Variants in CUEDC1 observed in about 807,000 individuals in gnomAD.
CUEDC1 encodes the protein CUE domain containing 1, also known as CUE domain-containing protein 1.
Under a neutral mutation model 43.7 loss-of-function variants are expected in CUEDC1, and 30 were observed. The ratio of observed to expected loss-of-function variants is 0.69; its 90% CI spans 0.51 to 0.93. The LOEUF is 0.93. CUEDC1 is among the 40% of genes least tolerant of loss of function. The pLI, the probability that CUEDC1 is intolerant of heterozygous loss-of-function variation, is 0.00. For synonymous variants in CUEDC1, 223 were observed against 223.6 expected, an observed-to-expected ratio of 1.00 and a Z score of 0.02; for missense variants, 486 against 549.0, an observed-to-expected ratio of 0.89 and a Z score of 1.15.
At chr17:57,950,573 A>C (rs1197593463) in intron 1 of CUEDC1, among the ~76,000 whole-genome samples, 1 of 151,652 alleles carries the variant, frequency 6.6e-6, no homozygotes, top group Admixed American at 6.6e-5. Context: ...CCTGGGTTCA[A>C]GCTATTCTCC....
In CUEDC1 at chr17:57,866,461, C is replaced by T; in HGVS notation, c.*3+13G>A. The T allele has an allele frequency of 6.2e-7, 1 of 1,613,684 alleles. No individual in the cohort carries two copies. Among genetic ancestry groups the T allele is most frequent in the African/African-American group, 1.3e-5 (1 of 75,044 alleles). The stretch of plus-strand genomic sequence containing the variant: ...TTGGGCAGTCCCTGGGTTGCTATGG[C>T]TCCAGGCCTTACCTCTTACTGTCCT... On this transcript the variant is annotated intron_variant, in intron 10 of 10. Transcript: ENST00000577830.
intron 1 of CUEDC1, among the ~76,000 whole-genome samples, chr17:57,932,797 G>C (rs1315941945): frequency 3.9e-5 from 6 of 151,958 alleles, no homozygotes; most frequent in Admixed American, 3.9e-4. Flanking sequence ...AGGAGGCAGA[G>C]GTTGCAGTGA....
At chr17:57,932,584 C>CA (rs58304648) in intron 1 of CUEDC1, among the ~76,000 whole-genome samples, 4 of 46,494 alleles carry the variant, frequency 8.6e-5, no homozygotes, top group African/African-American at 2.4e-4. Context: ...GACTCTGTCT[C>CA]AAAAAAAAAA....
At chr17:57,882,936 A>G (rs909053838) in intron 2 of CUEDC1, among the ~76,000 whole-genome samples, 6 of 152,168 alleles carry the variant, frequency 3.9e-5, no homozygotes, top group African/African-American at 1.4e-4. Flanking sequence ...TTTCTGGGAA[A>G]ATCAAAAGTT....
intron 1 of CUEDC1, among the ~76,000 whole-genome samples, chr17:57,944,770 G>C (rs2074946361): frequency 6.6e-6 from 1 of 152,152 alleles, no homozygotes; most frequent in Admixed American, 6.5e-5. Flanking sequence ...GTCTCCTTCA[G>C]GCATGGAGAT....
At chr17:57,926,463 C>T (rs1260655742) in intron 1 of CUEDC1, among the ~76,000 whole-genome samples, 3 of 151,826 alleles carry the variant, frequency 2.0e-5, no homozygotes, top group Middle Eastern at 3.2e-3. Flanking sequence ...ATTTACAGAT[C>T]GGTGAGAAAT....
chr17:57,944,950 G>A (rs1221531893), intron 1 of CUEDC1, among the ~76,000 whole-genome samples: 1 of 152,174 alleles, frequency 6.6e-6, no homozygotes, highest in East Asian at 1.9e-4. Flanking sequence ...CCCATCAGAG[G>A]TGTCAAGGAC....
In CUEDC1 at chr17:57,885,435, G is replaced by A. The variant is rs1291886356; in HGVS notation, c.130C>T (p.Arg44Cys). 3.1e-6 allele frequency: 5 copies of A among 1,600,630 alleles called. No homozygotes were observed. The highest frequency in any genetic ancestry group is 2.3e-5 in the East Asian group (1 of 44,074). ...TCCATGGCCTGGTTGAACTCCAGGCGGCGCACCTGGCGGGCAGGCCGGCTG... is the reference window on the plus strand; with the variant it reads ...TCCATGGCCTGGTTGAACTCCAGGCAGCGCACCTGGCGGGCAGGCCGGCTG... ...NNSRPARQVR[R>C]LEFNQAMDDF... The change falls in exon 2 of 11, where the codon CGC becomes TGC. Residue 44 changes from arginine (R) to cysteine (C), a missense_variant. By Grantham distance (180) the Arg-to-Cys change is radical (BLOSUM62 -3). Coordinates refer to ENST00000577830, the MANE Select transcript of CUEDC1 (RefSeq NM_001271875.2).
intron 1 of CUEDC1, among the ~76,000 whole-genome samples, chr17:57,916,096 G>A (rs146710476): frequency 5.9e-5 from 9 of 152,320 alleles, no homozygotes; most frequent in East Asian, 3.9e-4. Context: ...ACCAAGGGCC[G>A]GAAAGGTTAA....
intron 1 of CUEDC1, among the ~76,000 whole-genome samples, chr17:57,904,673 T>C (rs755391657): frequency 6.6e-6 from 1 of 152,166 alleles, no homozygotes; most frequent in African/African-American, 2.4e-5. Flanking sequence ...CCTTGAGGCC[T>C]TCAAGGAAAT....
chr17:57,931,216 A>C (rs1213979523), intron 1 of CUEDC1, among the ~76,000 whole-genome samples: 4 of 152,102 alleles, frequency 2.6e-5, no homozygotes, highest in African/African-American at 9.7e-5. Context: ...GAGCCTGGGA[A>C]GTCGAGGCTG....
rs1189069910 is a variant in CUEDC1, at chr17:57,931,260, C to T, written c.-316+23965G>A. 3.3e-5 allele frequency among the ~76,000 whole-genome samples: 5 copies of T among 151,872 alleles called. No homozygotes were observed. The East Asian group carries it at 9.7e-4, about 29-fold the overall frequency. On this transcript the variant is annotated intron_variant, in intron 1 of 10. Coordinates refer to ENST00000577830, the MANE Select transcript of CUEDC1 (RefSeq NM_001271875.2). ...TGTGTTCACACTCCAGCCTGGGTGA[C>T]TAAGTGACATCCTGTCTCAAAAAAA...
At position 57,868,156 on chromosome 17, in the gene CUEDC1, T is replaced by A; in HGVS notation, c.1028A>T (p.His343Leu). The change falls in exon 8 of 11, where the codon CAT becomes CTT. Residue 343 changes from histidine (H) to leucine (L), a missense_variant. His to Leu is a moderately conservative substitution (Grantham distance 99, BLOSUM62 -3). Transcript: ENST00000577830. ...GCCAGGCTGGAAAGGATACGACTGA[T>A]GCTTCAACAAGTGTTTCCTCTTTGA... ...RKSKRKHLLK[H>L]QSLGAAASTA... 3 of 1,613,850 alleles carry A rather than the reference T, an allele frequency of 1.9e-6. No individual in the cohort carries two copies. The South Asian group carries it at 3.3e-5, about 18-fold the overall frequency.
chr17:57,874,028 C>T (rs1401221504), intron 3 of CUEDC1, among the ~76,000 whole-genome samples: 1 of 152,186 alleles, frequency 6.6e-6, no homozygotes, highest in Admixed American at 6.5e-5. Context: ...TTACAAATGT[C>T]CCCTAAAGAC....
intron 1 of CUEDC1, among the ~76,000 whole-genome samples, chr17:57,941,246 T>C (rs2074914549): frequency 6.6e-6 from 1 of 152,110 alleles, no homozygotes; most frequent in African/African-American, 2.4e-5. Flanking sequence ...ACTGGAAAAG[T>C]CCCCCATGAC....
intron 3 of CUEDC1, among the ~76,000 whole-genome samples, chr17:57,875,226 AGGTCTCAG>A (rs2074102063): frequency 6.6e-6 from 1 of 152,170 alleles, no homozygotes; most frequent in Non-Finnish European, 1.5e-5. Flanking sequence ...CCAGTTCTTG[AGGTCTCAG>A]GGTCTTCATC....
At position 57,862,716 on chromosome 17, in the gene CUEDC1, G is replaced by A. The variant is rs536133579; in HGVS notation, c.*573C>T. 9.2e-5 allele frequency: 14 copies of A among 152,686 alleles called. No individual in the cohort carries two copies. The highest frequency in any genetic ancestry group is 1.5e-4 in the Non-Finnish European group (10 of 68,342). 9.5% of individuals were successfully genotyped at this position (152,686 alleles called of 1,614,324 possible). Reference sequence around the variant, plus strand: ...CCCACCCAGGCTGGGTGCAGGGCTCGTGTGCTGGGCCAGCAGCCCCGGGGG... The same window carrying A: ...CCCACCCAGGCTGGGTGCAGGGCTCATGTGCTGGGCCAGCAGCCCCGGGGG... On this transcript the variant is annotated 3_prime_UTR_variant, in exon 11 of 11. Coordinates refer to ENST00000577830, the MANE Select transcript of CUEDC1 (RefSeq NM_001271875.2).
Position 57,885,589 on chromosome 17 carries a change from G to A in CUEDC1, c.-25C>T, listed in dbSNP as rs1597983522. On this transcript the variant is annotated 5_prime_UTR_variant, in exon 2 of 11. Transcript: ENST00000577830. ...TTTTGCGGAGCCGCTTGGGGAAAAT[G>A]TTTCTAGCCGGCCGCAAAGCCCCTT... 2.2e-6 allele frequency: 3 copies of A among 1,344,320 alleles called. No homozygotes were observed. Among genetic ancestry groups the A allele is most frequent in the South Asian group, 1.9e-5 (1 of 53,744 alleles). The allele number at this position is 1,344,320 out of a possible 1,614,324, so 83.3% of individuals were successfully genotyped here.
rs141792482 is a variant in CUEDC1 at position 57,872,425 on chromosome 17, A to T, written c.784+238T>A. 3.8e-3 allele frequency among the ~76,000 whole-genome samples: 583 copies of T among 152,322 alleles called. 3 individuals are homozygous for T. The highest frequency in any genetic ancestry group is 0.013 in the African/African-American group (545 of 41,572). On this transcript the variant is annotated intron_variant, in intron 5 of 10. Transcript: ENST00000577830. The stretch of plus-strand genomic sequence containing the variant: ...GTGTGCAAAGGGAAGAAGGCCTAAG[A>T]GTGCACATCCTTCTTCCTCTGAGTC...
Sources: allele counts gnomAD v4.1 joint callset (sites outside exome capture counted in the v4.1 genomes callset), GRCh38; gene constraint gnomAD v4.1.1; transcripts MANE v1.5; gene names NCBI Gene and HGNC (gene_info 2026-07-23, HGNC 2026-07-21).